The following LRP1B variants were observed in gnomAD, a reference collection of about 807,000 sequenced individuals.
LRP1B encodes the protein low-density lipoprotein receptor-related protein 1B.
A neutral mutation model predicts 556.6 loss-of-function variants in LRP1B; 217 were observed. The ratio of observed to expected loss-of-function variants is 0.39; its 90% CI spans 0.35 to 0.44. LRP1B has a LOEUF of 0.44. LRP1B is among the 20% of genes least tolerant of loss of function. The probability of loss-of-function intolerance (pLI) is 1.00; values close to 1 mark genes in which losing one functional copy is unlikely to be tolerated. For missense variants in LRP1B, 5,053 were observed against 5,620.8 expected (o/e 0.90, Z 3.23); for synonymous variants, 2,047 against 1,865.8 (o/e 1.10, Z -2.50).
intron 3 of LRP1B, among the ~76,000 whole-genome samples, chr2:141,267,122 A>AATT (rs1016718388): frequency 2.6e-5 from 4 of 152,188 alleles, no homozygotes; most frequent in Non-Finnish European, 4.4e-5. Flanking sequence ...GTGGGTTGGC[A>AATT]ATTGTATTAT....
rs1220644581 is a variant in LRP1B, at chr2:140,583,162, C to CTTTTTTTTTTTTTTTTTTTTTT, written c.7194+15468_7194+15469insAAAAAAAAAAAAAAAAAAAAAA. 5.6e-5 allele frequency among the ~76,000 whole-genome samples: 6 copies of CTTTTTTTTTTTTTTTTTTTTTT among 107,818 alleles called. 3 individuals are homozygous for CTTTTTTTTTTTTTTTTTTTTTT. The highest frequency in any genetic ancestry group is 1.6e-4 in the African/African-American group (4 of 24,670). 70.7% of individuals were successfully genotyped at this position (107,818 alleles called of 152,430 possible). A position where few individuals can be genotyped will look rare whatever the true frequency, so the allele number is the denominator to read the frequency against. On this transcript the variant is annotated intron_variant, in intron 43 of 90. Transcript: ENST00000389484. ...TGAAAGTTTCTATTGACAGTTTCTC[C>CTTTTTTTTTTTTTTTTTTTTTT]TTTTTTTTCTTTTTTTTTTTTTTTT... is the stretch of plus-strand genomic sequence containing the variant.
At chr2:141,846,058 A>G (rs1697633654) in intron 1 of LRP1B, among the ~76,000 whole-genome samples, 1 of 151,658 alleles carries the variant, frequency 6.6e-6, no homozygotes, top group South Asian at 2.1e-4. Context: ...ATAGGAGAAA[A>G]TAGGAGAAGA....
chr2:141,643,884 A>G (rs1689440319), intron 2 of LRP1B, among the ~76,000 whole-genome samples: 1 of 152,126 alleles, frequency 6.6e-6, no homozygotes. Context: ...AGTAATATTA[A>G]TAACAGCGAC....
At chr2:140,701,138 T>C (rs1297570995) in intron 40 of LRP1B, among the ~76,000 whole-genome samples, 2 of 152,096 alleles carry the variant, frequency 1.3e-5, no homozygotes, top group South Asian at 2.1e-4. Flanking sequence ...CTAATTCTCC[T>C]TTGTGAATTC....
intron 3 of LRP1B, among the ~76,000 whole-genome samples, chr2:141,274,753 A>G (rs1354286247): frequency 2.0e-5 from 3 of 152,224 alleles, no homozygotes; most frequent in African/African-American, 7.2e-5. Flanking sequence ...ATACAAAAAA[A>G]CTAGACATTA....
At chr2:141,452,377 G>C (rs1463973870) in intron 3 of LRP1B, among the ~76,000 whole-genome samples, 1 of 151,958 alleles carries the variant, frequency 6.6e-6, no homozygotes, top group East Asian at 1.9e-4. Context: ...ACTTTTTTTT[G>C]ATGATGGAAA....
intron 3 of LRP1B, among the ~76,000 whole-genome samples, chr2:141,282,750 T>G (rs1171232790): frequency 6.6e-6 from 1 of 152,046 alleles, no homozygotes; most frequent in Non-Finnish European, 1.5e-5. Flanking sequence ...TTAATGTTGT[T>G]TATGATTGTA....
chr2:141,869,200 A>G (rs1226676976), intron 1 of LRP1B, among the ~76,000 whole-genome samples: 1 of 152,142 alleles, frequency 6.6e-6, no homozygotes, highest in Non-Finnish European at 1.5e-5. Flanking sequence ...AGCTGCTGAC[A>G]GTAGCCACAA....
At chr2:141,290,283 A>C (rs894035236) in intron 3 of LRP1B, among the ~76,000 whole-genome samples, 2 of 152,182 alleles carry the variant, frequency 1.3e-5, no homozygotes, top group Non-Finnish European at 1.5e-5. Flanking sequence ...AAAGAATGAT[A>C]AGATTCAATA....
rs144133657 is a variant in LRP1B, at chr2:141,445,456, T to A, written c.343+34940A>T. On this transcript the variant is annotated intron_variant, in intron 3 of 90. Transcript: ENST00000389484. ...GCTCTGATCTTAGTTATTTCTTGTC[T>A]TCTGATAACTTTTGAATTTGTTTGC... is the stretch of plus-strand genomic sequence containing the variant. 2.8e-3 allele frequency among the ~76,000 whole-genome samples: 419 copies of A among 152,334 alleles called. 5 individuals are homozygous for A. Among genetic ancestry groups the A allele is most frequent in the African/African-American group, 9.5e-3 (396 of 41,580 alleles).
At chr2:141,394,026 T>C (rs1445714717) in intron 3 of LRP1B, among the ~76,000 whole-genome samples, 1 of 152,162 alleles carries the variant, frequency 6.6e-6, no homozygotes, top group Non-Finnish European at 1.5e-5. Flanking sequence ...CAAAAAGTAA[T>C]GTAACATGCC....
intron 3 of LRP1B, among the ~76,000 whole-genome samples, chr2:141,324,191 CAT>C (rs199550250): frequency 0.02 from 3,081 of 151,718 alleles, 55 homozygotes; most frequent in Non-Finnish European, 0.032. Flanking sequence ...CACACACACA[CAT>C]ACACACATAC....
chr2:140,458,047 C>T (rs1371840773), intron 60 of LRP1B, among the ~76,000 whole-genome samples: 1 of 151,748 alleles, frequency 6.6e-6, no homozygotes, highest in African/African-American at 2.4e-5. Flanking sequence ...TCTGGTTGTT[C>T]TTAACTTAAA....
At chr2:140,934,246 C>T (rs1484657185) in intron 20 of LRP1B, among the ~76,000 whole-genome samples, 1 of 152,012 alleles carries the variant, frequency 6.6e-6, no homozygotes, top group African/African-American at 2.4e-5. Flanking sequence ...GTCTATAACA[C>T]ATAATTTGGG....
At chr2:141,510,908 A>ACC (rs1553524351) in intron 2 of LRP1B, among the ~76,000 whole-genome samples, 1 of 3,770 alleles carries the variant, frequency 2.7e-4, no homozygotes, top group Non-Finnish European at 9.6e-4. Flanking sequence ...ACACACACAC[A>ACC]CCCCACACAA....
At chr2:140,639,980 T>A (rs1013723362) in intron 41 of LRP1B, among the ~76,000 whole-genome samples, 11 of 152,086 alleles carry the variant, frequency 7.2e-5, no homozygotes, top group African/African-American at 2.7e-4. Flanking sequence ...AGTTTTCCAC[T>A]CAAATGCTAC....
chr2:141,286,893 G>A, intron 3 of LRP1B: 1 of 286,484 alleles, frequency 3.5e-6, no homozygotes, highest in South Asian at 2.9e-5. Flanking sequence ...GCCCAATCTG[G>A]TAACTAATAG....
At chr2:140,392,292 A>T (rs1684056454) in intron 66 of LRP1B, among the ~76,000 whole-genome samples, 1 of 152,084 alleles carries the variant, frequency 6.6e-6, no homozygotes, top group African/African-American at 2.4e-5. Flanking sequence ...TTATCCTAAA[A>T]CAGTTCCGCT....
Position 141,671,836 on chromosome 2 carries a change from T to C in LRP1B, c.205+138443A>G, listed in dbSNP as rs76577800. The stretch of plus-strand genomic sequence containing the variant: ...TAACCCATCAAACTTTTTTTTTTTT[T>C]CACAAACAAAATGCTATTTATTCAT... On this transcript the variant is annotated intron_variant, in intron 2 of 90. Coordinates refer to ENST00000389484, the MANE Select transcript of LRP1B (RefSeq NM_018557.3). Among the ~76,000 whole-genome samples, 15 of 151,750 alleles carry C rather than the reference T, an allele frequency of 9.9e-5. No individual in the cohort carries two copies. The South Asian group carries it at 2.9e-3, about 30-fold the overall frequency.
Sources: gnomAD v4.1 joint callset for allele counts (sites outside exome capture counted in the v4.1 genomes callset) on GRCh38, gnomAD v4.1.1 for gene constraint, MANE v1.5 for transcripts, NCBI Gene and HGNC (gene_info 2026-07-23, HGNC 2026-07-21) for gene names.